AK7: variants seen among roughly 807,000 people sequenced by gnomAD.
AK7 encodes the protein adenylate kinase 7.
Under a neutral mutation model 96.6 loss-of-function variants are expected in AK7, and 78 were observed. That is an observed-to-expected ratio of 0.81 (90% confidence interval 0.67 to 0.97). AK7 has a LOEUF of 0.97. Among genes scored for constraint, AK7 ranks in the 50% least tolerant of loss-of-function variants. The pLI is 0.00. For missense variants in AK7, 855 were observed against 887.9 expected (o/e 0.96, Z 0.47); for synonymous variants, 302 against 317.2 (o/e 0.95, Z 0.51).
chr14:96,417,495 A>G lies in AK7; in HGVS notation c.499-3327A>G, dbSNP rs562963129. The stretch of plus-strand genomic sequence containing the variant: ...ATTGAAGTGGATCTTCCCCTCAACA[A>G]CTCATTCTCCCAGCTTTCTCCCAAG... On this transcript the variant is annotated intron_variant, in intron 4 of 17. Transcript: ENST00000267584. 3.3e-5 allele frequency among the ~76,000 whole-genome samples: 5 copies of G among 152,088 alleles called. No individual in the cohort carries two copies. In the East Asian group the frequency reaches 7.7e-4, roughly 23 times the overall value.
chr14:96,442,688 A>G (rs12431832), intron 6 of AK7, 42 bp from the exon 7 acceptor site: 274,243 of 1,468,402 alleles, frequency 0.19, 29,539 homozygotes, highest in East Asian at 0.51. Context: ...ATAGCCATCC[A>G]CATATAACTG....
At chr14:96,454,352 C>A (rs1893771129) in intron 10 of AK7, among the ~76,000 whole-genome samples, 1 of 151,668 alleles carries the variant, frequency 6.6e-6, no homozygotes, top group South Asian at 2.1e-4. Flanking sequence ...ATATTTTGAC[C>A]TCTGTTAGAA....
At chr14:96,424,255 G>A (rs1566775432) in intron 5 of AK7, 1 of 430,438 alleles carries the variant, frequency 2.3e-6, no homozygotes, top group East Asian at 5.7e-5. Flanking sequence ...GAGTGCCGCG[G>A]GAGGCCAGGC....
At chr14:96,407,704 C>T (rs1392979005) in intron 3 of AK7, among the ~76,000 whole-genome samples, 2 of 151,672 alleles carry the variant, frequency 1.3e-5, no homozygotes, top group African/African-American at 4.8e-5. Flanking sequence ...GCCTCAGCCT[C>T]CCAAGTAGCT....
intron 5 of AK7, among the ~76,000 whole-genome samples, chr14:96,433,930 T>C (rs972351152): frequency 6.6e-6 from 1 of 152,210 alleles, no homozygotes; most frequent in Non-Finnish European, 1.5e-5. Flanking sequence ...TTTGTTAAAT[T>C]CATCCGATGG....
At chr14:96,449,926 A>T in intron 9 of AK7, 47 bp downstream of exon 9, 1 of 1,335,982 alleles carries the variant, frequency 7.5e-7, no homozygotes, top group East Asian at 2.4e-5. Context: ...TTTCTCAATA[A>T]TATGGAGTAT....
intron 1 of AK7, among the ~76,000 whole-genome samples, chr14:96,397,363 C>G (rs1001622890): frequency 2.6e-5 from 4 of 152,100 alleles, no homozygotes; most frequent in Non-Finnish European, 5.9e-5. Context: ...ATTCTCCTGT[C>G]TCAGCCTCCC....
At chr14:96,397,787 A>T (rs1890164582) in intron 1 of AK7, among the ~76,000 whole-genome samples, 1 of 152,172 alleles carries the variant, frequency 6.6e-6, no homozygotes, top group South Asian at 2.1e-4. Context: ...CACAAACATC[A>T]TCACTGTGAC....
rs1490220498 is a variant in AK7, at chr14:96,399,281, T to C, written c.294+1018T>C. On this transcript the variant is annotated intron_variant, in intron 2 of 17. Coordinates refer to ENST00000267584, the MANE Select transcript of AK7 (RefSeq NM_152327.5). This position sits in a 1 kb window ranked among gnomAD's most constrained non-coding sequence, Gnocchi z 4.1. ...GCCACAAAGTGGCCTCAATAAACAC[T>C]TGTGGAATGGACGAATGCATCCCCT... is the stretch of plus-strand genomic sequence containing the variant. 1 of 152,260 alleles carries C rather than the reference T, an allele frequency of 6.6e-6. No homozygotes were observed. The highest frequency in any genetic ancestry group is 1.5e-5 in the Non-Finnish European group (1 of 68,066). The allele number at this position is 152,260 out of a possible 1,614,324, so 9.4% of individuals were successfully genotyped here. A position where few individuals can be genotyped will look rare whatever the true frequency, so the allele number is the denominator to read the frequency against.
intron 12 of AK7, among the ~76,000 whole-genome samples, chr14:96,469,252 G>A (rs1349907505): frequency 6.6e-6 from 1 of 152,166 alleles, no homozygotes; most frequent in African/African-American, 2.4e-5. Flanking sequence ...CGGGGGCGGC[G>A]GCTCATTCCT....
intron 14 of AK7, among the ~76,000 whole-genome samples, chr14:96,473,510 T>C (rs1442765478): frequency 2.0e-5 from 3 of 151,530 alleles, no homozygotes; most frequent in Non-Finnish European, 2.9e-5. Context: ...GGCTACACCA[T>C]AGGCAGTGTG....
intron 1 of AK7, among the ~76,000 whole-genome samples, chr14:96,397,605 A>G (rs1054496332): frequency 6.6e-6 from 1 of 152,200 alleles, no homozygotes; most frequent in African/African-American, 2.4e-5. Flanking sequence ...TGTTGCTACT[A>G]GAAAATTTAA....
intron 10 of AK7, among the ~76,000 whole-genome samples, chr14:96,453,043 T>C (rs1893696112): frequency 6.6e-6 from 1 of 152,164 alleles, no homozygotes; most frequent in Non-Finnish European, 1.5e-5. Flanking sequence ...TAATTATCAC[T>C]GTTGGAGGGA....
At chr14:96,412,376 C>T (rs562370949) in intron 4 of AK7, among the ~76,000 whole-genome samples, 38 of 147,042 alleles carry the variant, frequency 2.6e-4, no homozygotes, top group African/African-American at 7.3e-4. Context: ...TATAGGAGCC[C>T]GCCACCACAC....
At chr14:96,462,920 G>A (rs943801734) in intron 12 of AK7, among the ~76,000 whole-genome samples, 2 of 152,020 alleles carry the variant, frequency 1.3e-5, no homozygotes, top group African/African-American at 2.4e-5. Context: ...GGCGGATCAC[G>A]AGGTCAGAAG....
chr14:96,467,601 A>T (rs940129377), intron 12 of AK7, among the ~76,000 whole-genome samples: 6 of 152,010 alleles, frequency 3.9e-5, no homozygotes, highest in African/African-American at 1.2e-4. Context: ...CGGCCTCCCA[A>T]AGTGCTAGGA....
chr14:96,460,596 C>A (rs974187885), intron 12 of AK7, among the ~76,000 whole-genome samples: 1 of 152,202 alleles, frequency 6.6e-6, no homozygotes, highest in Admixed American at 6.5e-5. Flanking sequence ...CCATGGCCAT[C>A]ACTGGTCTTC....
rs72706817 is a variant in AK7 at position 96,399,377 on chromosome 14, C to T, written c.294+1114C>T. 4.7e-3 allele frequency: 722 copies of T among 152,628 alleles called. 1 individual carries two copies. The highest frequency in any genetic ancestry group is 8.1e-3 in the Non-Finnish European group (550 of 68,274). The allele number at this position is 152,628 out of a possible 1,614,324, so 9.5% of individuals were successfully genotyped here. A position where few individuals can be genotyped will look rare whatever the true frequency, so the allele number is the denominator to read the frequency against. ...CCGGGTATTCTTTCCCATTCACCTCCCTTCTCTCTCTTCTTGCCACTGGCT... is the reference window on the plus strand; with the variant it reads ...CCGGGTATTCTTTCCCATTCACCTCTCTTCTCTCTCTTCTTGCCACTGGCT... On this transcript the variant is annotated intron_variant, in intron 2 of 17. Coordinates refer to ENST00000267584, the MANE Select transcript of AK7 (RefSeq NM_152327.5). The surrounding 1 kb of genome is among the most constrained non-coding windows in gnomAD (Gnocchi z 4.1).
intron 14 of AK7, among the ~76,000 whole-genome samples, chr14:96,473,980 G>A (rs568841326): frequency 7.9e-5 from 12 of 152,238 alleles, no homozygotes; most frequent in African/African-American, 2.2e-4. Flanking sequence ...GCAATTTATC[G>A]TACACAACAG....
Sources: allele counts gnomAD v4.1 joint callset (sites outside exome capture counted in the v4.1 genomes callset), GRCh38; gene constraint gnomAD v4.1.1; non-coding constraint Gnocchi (gnomAD v3.1); transcripts MANE v1.5; gene names NCBI Gene and HGNC (gene_info 2026-07-23, HGNC 2026-07-21).